Variants in ST6GALNAC3 observed in about 807,000 individuals in gnomAD.
ST6GALNAC3 encodes alpha-N-acetylgalactosaminide alpha-2,6-sialyltransferase 3.
Under a neutral mutation model 32.7 loss-of-function variants are expected in ST6GALNAC3, and 25 were observed. The observed-to-expected ratio is 0.76, with a 90% confidence interval of 0.56 to 1.07. ST6GALNAC3 has a LOEUF of 1.07. Among genes scored for constraint, ST6GALNAC3 ranks in the 50% least tolerant of loss-of-function variants. ST6GALNAC3 has a pLI of 0.00. For synonymous variants in ST6GALNAC3, 129 were observed against 133.1 expected (o/e 0.97, Z 0.21); for missense variants, 355 against 382.4 (o/e 0.93, Z 0.60).
At chr1:76,159,010 C>T (rs184061109) in intron 1 of ST6GALNAC3, among the ~76,000 whole-genome samples, 20 of 152,198 alleles carry the variant, frequency 1.3e-4, no homozygotes, top group Admixed American at 5.9e-4. Context: ...GTGCCAGGGT[C>T]GTGTGGTTTC....
At chr1:76,146,910 C>T (rs148875901) in intron 1 of ST6GALNAC3, among the ~76,000 whole-genome samples, 67 of 152,160 alleles carry the variant, frequency 4.4e-4, no homozygotes, top group African/African-American at 1.5e-3. Context: ...ATGTACTTTC[C>T]GACCTCCTCC....
Position 76,410,435 on chromosome 1 carries a change from A to T in ST6GALNAC3, c.214-1573A>T, listed in dbSNP as rs533943278. On this transcript the variant is annotated intron_variant, in intron 2 of 4. Transcript: ENST00000328299. ...TTACTCCACCAACTCTCTCTCTCTCACACACTCACACACACACGTGCACAC... is the reference window on the plus strand; with the variant it reads ...TTACTCCACCAACTCTCTCTCTCTCTCACACTCACACACACACGTGCACAC... Among the ~76,000 whole-genome samples the T allele has an allele frequency of 3.3e-5, 5 of 152,124 alleles. No homozygotes were observed. The East Asian group carries it at 5.8e-4, about 18-fold the overall frequency.
chr1:76,444,332 A>G (rs1196862004), intron 3 of ST6GALNAC3, among the ~76,000 whole-genome samples: 1 of 152,210 alleles, frequency 6.6e-6, no homozygotes, highest in Non-Finnish European at 1.5e-5. Flanking sequence ...AAATTCTCCC[A>G]GATGGCTCCT....
chr1:76,413,262 C>A (rs1444580187), intron 3 of ST6GALNAC3, among the ~76,000 whole-genome samples: 1 of 152,176 alleles, frequency 6.6e-6, no homozygotes, highest in South Asian at 2.1e-4. Flanking sequence ...AATTACAAAT[C>A]AGACAATCTT....
Position 76,345,232 on chromosome 1 carries a change from T to C in ST6GALNAC3, c.213+31233T>C, listed in dbSNP as rs1648404162. Among the ~76,000 whole-genome samples the C allele has an allele frequency of 2.0e-5, 3 of 152,110 alleles. No individual in the cohort carries two copies. In the South Asian group the frequency reaches 6.2e-4, roughly 32 times the overall value. On this transcript the variant is annotated intron_variant, in intron 2 of 4. Transcript: ENST00000328299. ...CTGTCTTCATTTGCCTCTTTACCTT[T>C]CCCATTTTAAAGCTGTTGACTAACT... is the stretch of plus-strand genomic sequence containing the variant.
At chr1:76,169,757 C>T (rs1303207909) in intron 1 of ST6GALNAC3, among the ~76,000 whole-genome samples, 2 of 152,246 alleles carry the variant, frequency 1.3e-5, no homozygotes, top group African/African-American at 4.8e-5. Flanking sequence ...GCTATTAATA[C>T]TTGTGTTTGC....
chr1:76,248,596 T>G (rs1657441168), intron 1 of ST6GALNAC3, among the ~76,000 whole-genome samples: 1 of 152,196 alleles, frequency 6.6e-6, no homozygotes, highest in South Asian at 2.1e-4. Context: ...TTTCTTTGTT[T>G]TTGGCTGAAG....
At chr1:76,134,560 T>C (rs969401302) in intron 1 of ST6GALNAC3, among the ~76,000 whole-genome samples, 5 of 152,206 alleles carry the variant, frequency 3.3e-5, no homozygotes, top group Non-Finnish European at 5.9e-5. Flanking sequence ...GGCTTTTTCC[T>C]GCTCAGTTTT....
chr1:76,306,307 G>A (rs1661049063), intron 1 of ST6GALNAC3, among the ~76,000 whole-genome samples: 1 of 151,980 alleles, frequency 6.6e-6, no homozygotes, highest in South Asian at 2.1e-4. Context: ...CTTATTGTAG[G>A]CAGTTTGTAG....
At chr1:76,471,920 A>G (rs929092238) in intron 3 of ST6GALNAC3, among the ~76,000 whole-genome samples, 2 of 151,164 alleles carry the variant, frequency 1.3e-5, no homozygotes, top group African/African-American at 4.9e-5. Context: ...TGCCTATGCT[A>G]TTGAGCCATT....
In ST6GALNAC3 at chr1:76,445,401, T is replaced by C. The variant is rs562741398; in HGVS notation, c.623+32984T>C. ...TTATTTAAATATGCCCTCACAGTGA[T>C]TCTGATGCACACTCAAGTTTGAGAA... is the stretch of plus-strand genomic sequence containing the variant. On this transcript the variant is annotated intron_variant, in intron 3 of 4. Transcript: ENST00000328299. Among the ~76,000 whole-genome samples the C allele has an allele frequency of 9.2e-5, 14 of 152,286 alleles. No individual in the cohort carries two copies. In the South Asian group the frequency reaches 2.9e-3, roughly 32 times the overall value.
At chr1:76,289,214 A>G (rs941191923) in intron 1 of ST6GALNAC3, among the ~76,000 whole-genome samples, 2 of 152,138 alleles carry the variant, frequency 1.3e-5, no homozygotes, top group African/African-American at 2.4e-5. Context: ...GATAAACTCT[A>G]TTGATCTCTG....
chr1:76,584,263 C>T (rs1272841595), intron 3 of ST6GALNAC3, among the ~76,000 whole-genome samples: 1 of 152,146 alleles, frequency 6.6e-6, no homozygotes, highest in African/African-American at 2.4e-5. Context: ...AAATATCTAT[C>T]CCAGGTTGGA....
Position 76,308,202 on chromosome 1 carries a change from G to A in ST6GALNAC3, c.19-5603G>A, listed in dbSNP as rs1205950828. ...AGAAAAAAATATCTCTAGTTCTTAT[G>A]CATTTCATATGGTCTGACCAGTGCT... On this transcript the variant is annotated intron_variant, in intron 1 of 4. Transcript: ENST00000328299. Among the ~76,000 whole-genome samples, 6 of 152,220 alleles carry A rather than the reference G, an allele frequency of 3.9e-5. No individual in the cohort carries two copies. The East Asian group carries it at 5.8e-4, about 15-fold the overall frequency.
intron 3 of ST6GALNAC3, among the ~76,000 whole-genome samples, chr1:76,416,770 GGCA>G (rs1654664529): frequency 6.6e-6 from 1 of 151,668 alleles, no homozygotes; most frequent in African/African-American, 2.4e-5. Flanking sequence ...TGGGACTACA[GGCA>G]CGCACCACCA....
chr1:76,501,422 G>A (rs1356798416), intron 3 of ST6GALNAC3, among the ~76,000 whole-genome samples: 4 of 152,140 alleles, frequency 2.6e-5, no homozygotes, highest in Non-Finnish European at 5.9e-5. Flanking sequence ...ACAAACACCA[G>A]GGACAAGAAA....
chr1:76,239,672 G>A (rs141765888), intron 1 of ST6GALNAC3, among the ~76,000 whole-genome samples: 7 of 152,236 alleles, frequency 4.6e-5, no homozygotes, highest in African/African-American at 1.2e-4. Flanking sequence ...ATCTTCCCCC[G>A]TGACCCAGCA....
chr1:76,454,906 A>G (rs1657663075), intron 3 of ST6GALNAC3, among the ~76,000 whole-genome samples: 1 of 144,688 alleles, frequency 6.9e-6, no homozygotes, highest in Non-Finnish European at 1.5e-5. Context: ...TGAATTATTT[A>G]CTTGATAATT....
chr1:76,178,077 C>T (rs1652956363), intron 1 of ST6GALNAC3, among the ~76,000 whole-genome samples: 1 of 152,218 alleles, frequency 6.6e-6, no homozygotes, highest in African/African-American at 2.4e-5. Context: ...TATTTAATGT[C>T]AAACCTATGG....
Sources: gnomAD v4.1 joint callset for allele counts (sites outside exome capture counted in the v4.1 genomes callset) on GRCh38, gnomAD v4.1.1 for gene constraint, MANE v1.5 for transcripts, NCBI Gene and HGNC (gene_info 2026-07-23, HGNC 2026-07-21) for gene names.